RIGI: variants seen among roughly 807,000 people sequenced by gnomAD.
The protein encoded by RIGI is RNA sensor RIG-I, also known as antiviral innate immune response receptor RIG-I.
the RIGI span, among the ~76,000 whole-genome samples, chr9:32,462,853 AT>A: frequency 1.8e-4 from 28 of 152,162 alleles, no homozygotes; most frequent in Non-Finnish European, 1.0e-4. Flanking sequence ...GAATGTTTTG[AT>A]TTAAAAAAAC....
chr9:32,519,487 AAAAAATAAT>A, the RIGI span, among the ~76,000 whole-genome samples: 1 of 152,214 alleles, frequency 6.6e-6, no homozygotes, highest in Non-Finnish European at 1.5e-5. Flanking sequence ...GATTCCTGGC[AAAAAATAAT>A]AAAAGGTTTA....
At chr9:32,521,160 A>C in the RIGI span, among the ~76,000 whole-genome samples, 1 of 150,868 alleles carries the variant, frequency 6.6e-6, no homozygotes, top group Admixed American at 6.6e-5. Context: ...AAAAAAAAAA[A>C]AACTTCACAG....
the RIGI span, among the ~76,000 whole-genome samples, chr9:32,481,945 TAG>T: frequency 6.6e-6 from 1 of 152,368 alleles, no homozygotes; most frequent in Middle Eastern, 3.4e-3. Flanking sequence ...TTAAGTCATC[TAG>T]TTAAAACTAT....
At chr9:32,501,303 G>A in the RIGI span, among the ~76,000 whole-genome samples, 29 of 136,212 alleles carry the variant, frequency 2.1e-4, no homozygotes, top group Non-Finnish European at 2.6e-4. Context: ...TTACAGGTGT[G>A]AGCCACTGCA....
At chr9:32,477,029 G>C in the RIGI span, 5 of 1,614,086 alleles carry the variant, frequency 3.1e-6, no homozygotes, top group South Asian at 5.5e-5. Context: ...TATTGTCTCT[G>C]GGTTTAAGTG....
the RIGI span, chr9:32,481,519 G>A: frequency 1.3e-5 from 16 of 1,227,970 alleles, no homozygotes; most frequent in Non-Finnish European, 1.8e-5. Flanking sequence ...AAAAAAAAAA[G>A]TTTTTCACTG....
At chr9:32,465,859 G>T in the RIGI span, among the ~76,000 whole-genome samples, 4 of 152,178 alleles carry the variant, frequency 2.6e-5, no homozygotes, top group African/African-American at 9.7e-5. Context: ...TACACTAAGA[G>T]GTTGATCTGA....
the RIGI span, among the ~76,000 whole-genome samples, chr9:32,487,054 T>G: frequency 6.6e-6 from 1 of 152,106 alleles, no homozygotes; most frequent in Non-Finnish European, 1.5e-5. Context: ...TTTGGAGGAG[T>G]GACATCATGA....
chr9:32,459,365 G>A, the RIGI span: 14 of 1,612,112 alleles, frequency 8.7e-6, no homozygotes, highest in East Asian at 2.7e-4. Flanking sequence ...TAAAAAGGCA[G>A]CTTACCTCTA....
At chr9:32,504,257 C>T in the RIGI span, among the ~76,000 whole-genome samples, 4 of 151,948 alleles carry the variant, frequency 2.6e-5, no homozygotes, top group South Asian at 2.1e-4. Flanking sequence ...GATGTGGGCA[C>T]GGGGGGAATG....
the RIGI span, chr9:32,457,341 A>G: frequency 6.2e-7 from 1 of 1,614,188 alleles, no homozygotes; most frequent in Non-Finnish European, 8.5e-7. Context: ...CAAAACTTGA[A>G]AACTGCTTTG....
At chr9:32,514,465 T>A in the RIGI span, among the ~76,000 whole-genome samples, 1 of 152,038 alleles carries the variant, frequency 6.6e-6, no homozygotes. Flanking sequence ...CTCAGCAAAC[T>A]AACACAGGAA....
the RIGI span, among the ~76,000 whole-genome samples, chr9:32,494,214 T>A: frequency 1.3e-5 from 2 of 152,276 alleles, no homozygotes; most frequent in Admixed American, 1.3e-4. Context: ...TATAAAATCT[T>A]TCTTCCAAAG....
the RIGI span, among the ~76,000 whole-genome samples, chr9:32,518,457 G>T: frequency 1.3e-5 from 2 of 151,554 alleles, no homozygotes; most frequent in South Asian, 4.2e-4. Flanking sequence ...ATCATAGATG[G>T]TGTGTGTAAG....
chr9:32,480,952 T>A, the RIGI span, among the ~76,000 whole-genome samples: 224 of 152,286 alleles, frequency 1.5e-3, no homozygotes, highest in Non-Finnish European at 2.2e-3. Context: ...TCACCAAAGG[T>A]GAAGAAATGT....
the RIGI span, among the ~76,000 whole-genome samples, chr9:32,515,734 A>T: frequency 6.6e-6 from 1 of 152,194 alleles, no homozygotes; most frequent in African/African-American, 2.4e-5. Context: ...TTCCACAGAA[A>T]CTAGTCCTGT....
chr9:32,488,613 G>C, the RIGI span: 1 of 1,058,084 alleles, frequency 9.5e-7, no homozygotes, highest in East Asian at 2.8e-5. Flanking sequence ...GATAACATCT[G>C]GATTATAAAA....
the RIGI span, among the ~76,000 whole-genome samples, chr9:32,467,461 G>C: frequency 3.3e-5 from 5 of 152,218 alleles, no homozygotes; most frequent in Admixed American, 6.5e-5. Context: ...CAGCCCACCA[G>C]CACCACCATG....
chr9:32,503,734 A>C, the RIGI span, among the ~76,000 whole-genome samples: 36 of 152,056 alleles, frequency 2.4e-4, no homozygotes, highest in Non-Finnish European at 4.3e-4. Flanking sequence ...TTGGCCTTTG[A>C]CTCCAAAATA....
Sources: gnomAD v4.1 joint callset for allele counts (sites outside exome capture counted in the v4.1 genomes callset) on GRCh38, gnomAD v4.1.1 for gene constraint, MANE v1.5 for transcripts, NCBI Gene and HGNC (gene_info 2026-07-23, HGNC 2026-07-21) for gene names.